The following PLEKHG5 variants were observed in gnomAD, a reference collection of about 807,000 sequenced individuals.
PLEKHG5 encodes pleckstrin homology domain-containing family G member 5.
PLEKHG5 carries 52 observed loss-of-function variants against 103.8 expected under a neutral mutation model. The observed-to-expected ratio is 0.50, with a 90% CI of 0.40 to 0.63. PLEKHG5 has a LOEUF of 0.63. PLEKHG5 is among the 30% of genes least tolerant of loss of function. The pLI is 0.00. For synonymous variants in PLEKHG5, 592 were observed against 575.5 expected, an observed-to-expected ratio of 1.03 and a Z score of -0.41; for missense variants, 1,205 against 1,347.6, an observed-to-expected ratio of 0.89 and a Z score of 1.66.
At chr1:6,480,416 G>A (rs1644869205) in intron 1 of PLEKHG5, among the ~76,000 whole-genome samples, 1 of 151,628 alleles carries the variant, frequency 6.6e-6, no homozygotes, top group Non-Finnish European at 1.5e-5. Context: ...TGTAGTCCCA[G>A]CTACTCAGGA....
rs1259066437 is a variant in PLEKHG5, at chr1:6,476,021, C to T, written c.59G>A (p.Arg20Gln). 12 of 1,613,358 alleles carry T rather than the reference C, an allele frequency of 7.4e-6. No homozygotes were observed. Among genetic ancestry groups the T allele is most frequent in the South Asian group, 4.4e-5 (4 of 91,086 alleles). The change falls in exon 3 of 21, where the codon CGG (arginine) becomes CAG (glutamine). Residue 20 changes from arginine to glutamine, a missense_variant. By Grantham distance (43) the Arg-to-Gln change is conservative. Coordinates refer to ENST00000377728, the MANE Select transcript of PLEKHG5 (RefSeq NM_020631.6). ...DLPPQGSVLA[R>Q]NVSTRSCPPR... ...CGGGCATGACCGGGTGGACACGTTCCGGGCCAGCACAGAGCCTTGGGAGAA... is the reference window on the plus strand; with the variant it reads ...CGGGCATGACCGGGTGGACACGTTCTGGGCCAGCACAGAGCCTTGGGAGAA...
intron 1 of PLEKHG5, among the ~76,000 whole-genome samples, chr1:6,517,636 T>C (rs1434826244): frequency 6.6e-6 from 1 of 152,186 alleles, no homozygotes. Flanking sequence ...GCAGCTCAGA[T>C]TCCTTGCTGG....
chr1:6,513,491 A>G (rs1638531882), intron 1 of PLEKHG5, among the ~76,000 whole-genome samples: 1 of 152,204 alleles, frequency 6.6e-6, no homozygotes, highest in African/African-American at 2.4e-5. Context: ...AGGTGAGGGG[A>G]AGAGGCGGAA....
chr1:6,485,294 C>A, intron 1 of PLEKHG5: 2 of 1,340,098 alleles, frequency 1.5e-6, no homozygotes, highest in Non-Finnish European at 1.9e-6. Context: ...GGGCACCCAG[C>A]CCCGTTCCCG....
At chr1:6,481,455 C>T (rs940967962) in intron 1 of PLEKHG5, among the ~76,000 whole-genome samples, 4 of 151,616 alleles carry the variant, frequency 2.6e-5, no homozygotes, top group Admixed American at 6.6e-5. Context: ...CGCTTGAATA[C>T]GGGAGGCAGA....
At chr1:6,482,486 T>A (rs1021962676) in intron 1 of PLEKHG5, among the ~76,000 whole-genome samples, 1 of 152,158 alleles carries the variant, frequency 6.6e-6, no homozygotes, top group East Asian at 1.9e-4. Flanking sequence ...AATCTGAGTG[T>A]GTTTTTAATG....
chr1:6,513,957 G>T (rs187027177), intron 1 of PLEKHG5, among the ~76,000 whole-genome samples: 1 of 152,352 alleles, frequency 6.6e-6, no homozygotes, highest in African/African-American at 2.4e-5. Context: ...TACAGAGGAG[G>T]CTGTTTCCTG....
intron 19 of PLEKHG5, 107 bp from the exon 20 acceptor site, chr1:6,468,693 C>T: frequency 8.0e-7 from 1 of 1,243,884 alleles, no homozygotes; most frequent in Non-Finnish European, 1.2e-6. Flanking sequence ...CCTCCTGGGG[C>T]TGGAGGCTCA....
upstream of PLEKHG5, among the ~76,000 whole-genome samples, chr1:6,500,984 G>A (rs557866638): frequency 5.3e-5 from 8 of 152,316 alleles, no homozygotes; most frequent in South Asian, 2.1e-4. Flanking sequence ...CAGAACGGCC[G>A]GCAGACATGT....
upstream of PLEKHG5, among the ~76,000 whole-genome samples, chr1:6,500,838 G>A (rs973595092): frequency 2.0e-5 from 3 of 152,144 alleles, no homozygotes; most frequent in African/African-American, 4.8e-5. Flanking sequence ...ACCTCCCGTC[G>A]CAGGGAGACC....
chr1:6,487,624 C>T lies in PLEKHG5; in HGVS notation c.-88+4013G>A, dbSNP rs1254831075. 6.6e-6 allele frequency among the ~76,000 whole-genome samples: 1 copy of T among 152,092 alleles called. No homozygotes were observed. Among genetic ancestry groups the T allele is most frequent in the African/African-American group, 2.4e-5 (1 of 41,390 alleles). On this transcript the variant is annotated intron_variant, in intron 1 of 20. Coordinates refer to ENST00000377728, the MANE Select transcript of PLEKHG5 (RefSeq NM_020631.6). This position sits in a 1 kb window ranked among gnomAD's most constrained non-coding sequence, Gnocchi z 4.1. ...CACCCTATCTTGAAACAGCTGACAC[C>T]GGGCCCCAACTTAAATGTTACCTCT...
chr1:6,485,360 G>C, intron 1 of PLEKHG5: 1 of 1,423,710 alleles, frequency 7.0e-7, no homozygotes, highest in Admixed American at 3.0e-5. Flanking sequence ...CCCCGGCCCA[G>C]GAGGGCTCCG....
At position 6,504,478 on chromosome 1, in the gene PLEKHG5, G is replaced by A. The variant is rs574529298; in HGVS notation, c.-164-7909C>T. ...GCCACATTCCCCCTCCTCCACAGTG[G>A]GGGGCTGGTCACAGGCAGGGACGCC... On this transcript the variant is annotated intron_variant, in intron 1 of 21. Coordinates refer to the PLEKHG5 transcript ENST00000377740. Among the ~76,000 whole-genome samples the A allele has an allele frequency of 1.8e-3, 268 of 152,280 alleles. 2 individuals are homozygous for A. Among genetic ancestry groups the A allele is most frequent in the Non-Finnish European group, 2.2e-3 (152 of 68,030 alleles).
At chr1:6,495,078 G>A (rs762483218), upstream of PLEKHG5, among the ~76,000 whole-genome samples, 1 of 152,232 alleles carries the variant, frequency 6.6e-6, no homozygotes, top group Non-Finnish European at 1.5e-5. Flanking sequence ...AGGAGGGGCT[G>A]GGACAGTGTG....
At chr1:6,474,296 C>T in intron 6 of PLEKHG5, 132 bp from the exon 7 acceptor site, 5 of 1,326,334 alleles carry the variant, frequency 3.8e-6, no homozygotes, top group Non-Finnish European at 5.3e-6. Flanking sequence ...CTGCCAGCAC[C>T]CTCCCCTCCC....
upstream of PLEKHG5, chr1:6,496,368 G>T: frequency 3.0e-6 from 2 of 677,684 alleles, no homozygotes; most frequent in South Asian, 1.9e-5. Flanking sequence ...ACCTACACTT[G>T]AACCCAGCCC....
chr1:6,481,227 C>T (rs1039444053), intron 1 of PLEKHG5, among the ~76,000 whole-genome samples: 4 of 152,136 alleles, frequency 2.6e-5, no homozygotes, highest in Non-Finnish European at 4.4e-5. Context: ...GTTCCCATCT[C>T]ACTCTGAATA....
In PLEKHG5 at chr1:6,468,156, T is replaced by G; in HGVS notation, c.2680A>C (p.Thr894Pro). The G allele has an allele frequency of 6.4e-7, 1 of 1,568,882 alleles. No individual in the cohort carries two copies. The highest frequency in any genetic ancestry group is 1.4e-5 in the African/African-American group (1 of 73,872). ...QLLAGAGTHG[T>P]PSAPSRSLSE... ...AGGCTGCGGCTGGGGGCAGAGGGTG[T>G]CCCATGGGTGCCAGCCCCTGCCAGC... Residue 894 changes from threonine (T) to proline (P), a missense_variant, in exon 20 of 21, where the codon ACA becomes CCA. By Grantham distance (38) the Thr-to-Pro change is conservative. Transcript: ENST00000377728.
At chr1:6,515,946 G>A (rs916950464) in intron 1 of PLEKHG5, among the ~76,000 whole-genome samples, 4 of 152,180 alleles carry the variant, frequency 2.6e-5, no homozygotes, top group African/African-American at 7.2e-5. Context: ...CATGGAAGAC[G>A]GTGACCACTT....
Sources: allele counts gnomAD v4.1 joint callset (sites outside exome capture counted in the v4.1 genomes callset), GRCh38; gene constraint gnomAD v4.1.1; non-coding constraint Gnocchi (gnomAD v3.1); transcripts MANE v1.5; gene names NCBI Gene and HGNC (gene_info 2026-07-23, HGNC 2026-07-21).